LPP: variants seen among roughly 807,000 people sequenced by gnomAD.
The protein encoded by LPP is lipoma-preferred partner.
A neutral mutation model predicts 60.4 loss-of-function variants in LPP; 38 were observed. The ratio of observed to expected loss-of-function variants is 0.63; its 90% CI spans 0.49 to 0.83. The LOEUF (loss-of-function observed/expected upper bound fraction) is 0.83, where lower values mean the gene tolerates loss of function less well. Among genes scored for constraint, LPP ranks in the 40% least tolerant of loss-of-function variants. The probability of loss-of-function intolerance (pLI) is 0.00; values close to 1 mark genes in which losing one functional copy is unlikely to be tolerated. For synonymous variants in LPP, 328 were observed against 290.8 expected (o/e 1.13, Z -1.30); for missense variants, 902 against 783.6 (o/e 1.15, Z -1.80).
intron 8 of LPP, among the ~76,000 whole-genome samples, chr3:188,748,320 T>G (rs565088674): frequency 6.6e-6 from 1 of 152,084 alleles, no homozygotes; most frequent in South Asian, 2.1e-4. Context: ...CAGTAATACT[T>G]TGAGGTACCT....
At chr3:188,432,173 C>T (rs1425031646) in intron 4 of LPP, among the ~76,000 whole-genome samples, 1 of 151,890 alleles carries the variant, frequency 6.6e-6, no homozygotes, top group Non-Finnish European at 1.5e-5. Context: ...AGTAAGTTGC[C>T]CAAGGCATCA....
intron 4 of LPP, 59 bp from the exon 5 acceptor site, chr3:188,484,533 C>T (rs1189101827): frequency 1.7e-6 from 2 of 1,203,022 alleles, no homozygotes; most frequent in South Asian, 1.3e-5. Context: ...GCAAATATAT[C>T]ACGAGTACTA....
chr3:188,801,728 TCTTCTTAACTGCTCAGAG>T (rs1747349642), intron 9 of LPP, among the ~76,000 whole-genome samples: 1 of 152,220 alleles, frequency 6.6e-6, no homozygotes, highest in Admixed American at 6.5e-5. Context: ...CTTGGGTAGA[TCTTCTTAACTGCTCAGAG>T]CTTCAGTTCT....
At chr3:188,642,164 G>T (rs965632821) in intron 7 of LPP, among the ~76,000 whole-genome samples, 21 of 152,034 alleles carry the variant, frequency 1.4e-4, no homozygotes, top group African/African-American at 4.8e-4. Context: ...AAACCCTGAG[G>T]TTTATTTCAG....
chr3:188,543,757 C>T (rs951851201), intron 6 of LPP, among the ~76,000 whole-genome samples: 3 of 152,114 alleles, frequency 2.0e-5, no homozygotes, highest in African/African-American at 7.2e-5. Flanking sequence ...TCACACTTAC[C>T]ATAGTCTGTT....
rs1488111718 is a variant in LPP at position 188,660,056 on chromosome 3, C to T, written c.1114-48211C>T. ...GAATGGAATGGCACAGAGCACAGCT[C>T]ACATATTTGTTTTTTAGTTTTAAAT... On this transcript the variant is annotated intron_variant, in intron 7 of 11. Transcript: ENST00000617246. Among the ~76,000 whole-genome samples the T allele has an allele frequency of 2.6e-5, 4 of 152,208 alleles. No individual in the cohort carries two copies. The South Asian group carries it at 8.3e-4, about 32-fold the overall frequency.
intron 8 of LPP, among the ~76,000 whole-genome samples, chr3:188,717,167 G>A (rs1196493064): frequency 6.6e-6 from 1 of 152,274 alleles, no homozygotes; most frequent in African/African-American, 2.4e-5. Context: ...TGGGGCACAG[G>A]CCTACAGACT....
intron 5 of LPP, among the ~76,000 whole-genome samples, chr3:188,502,955 A>G (rs1812338636): frequency 6.6e-6 from 1 of 152,144 alleles, no homozygotes; most frequent in African/African-American, 2.4e-5. Flanking sequence ...ACACCATCAT[A>G]TGGTAAAAAA....
intron 2 of LPP, among the ~76,000 whole-genome samples, chr3:188,277,392 C>T (rs1740356253): frequency 6.6e-6 from 1 of 152,178 alleles, no homozygotes; most frequent in Non-Finnish European, 1.5e-5. Flanking sequence ...GAACATCTCT[C>T]AGGAAATATT....
At chr3:188,744,684 C>T (rs1431934100) in intron 8 of LPP, among the ~76,000 whole-genome samples, 2 of 152,080 alleles carry the variant, frequency 1.3e-5, no homozygotes, top group Non-Finnish European at 2.9e-5. Context: ...ATTATAATGG[C>T]CAAACAACTG....
At chr3:188,860,307 G>T (rs1233111709) in intron 9 of LPP, among the ~76,000 whole-genome samples, 1 of 152,128 alleles carries the variant, frequency 6.6e-6, no homozygotes, top group Non-Finnish European at 1.5e-5. Flanking sequence ...TAATGGCACT[G>T]GCATTTCAAG....
At chr3:188,544,998 G>T (rs1334662326) in intron 6 of LPP, among the ~76,000 whole-genome samples, 1 of 56,418 alleles carries the variant, frequency 1.8e-5, no homozygotes, top group Non-Finnish European at 3.3e-5. Flanking sequence ...GTAAACTATC[G>T]CAAGAACAAA....
At chr3:188,729,192 A>G (rs949873394) in intron 8 of LPP, among the ~76,000 whole-genome samples, 2 of 152,222 alleles carry the variant, frequency 1.3e-5, no homozygotes, top group Non-Finnish European at 2.9e-5. Context: ...AAAACATGGT[A>G]TTCTGGGAAC....
intron 2 of LPP, among the ~76,000 whole-genome samples, chr3:188,302,068 G>A (rs997633962): frequency 3.3e-5 from 5 of 152,070 alleles, no homozygotes; most frequent in African/African-American, 1.2e-4. Context: ...GGTTTGGGGA[G>A]CTGCTTGGAA....
chr3:188,233,275 T>C (rs917730624), intron 2 of LPP, among the ~76,000 whole-genome samples: 1 of 152,196 alleles, frequency 6.6e-6, no homozygotes, highest in Non-Finnish European at 1.5e-5. Context: ...GGAAGGCTTA[T>C]TGGGCATCAC....
intron 7 of LPP, among the ~76,000 whole-genome samples, chr3:188,620,975 C>T (rs9877898): frequency 0.43 from 65,419 of 151,934 alleles, 14,675 homozygotes; most frequent in East Asian, 0.77. Context: ...TGAAATAACA[C>T]CTACTGAATT....
At chr3:188,605,865 T>C (rs988871384) in intron 6 of LPP, among the ~76,000 whole-genome samples, 1 of 152,198 alleles carries the variant, frequency 6.6e-6, no homozygotes, top group African/African-American at 2.4e-5. Context: ...GTTAACATTT[T>C]ACTTCCAATG....
chr3:188,674,203 A>C (rs1432449955), intron 7 of LPP, among the ~76,000 whole-genome samples: 2 of 152,180 alleles, frequency 1.3e-5, no homozygotes, highest in Non-Finnish European at 2.9e-5. Flanking sequence ...CTAGGGTTGC[A>C]ACAATTTAAA....
intron 1 of LPP, among the ~76,000 whole-genome samples, chr3:188,207,355 C>A (rs1733572647): frequency 6.6e-6 from 1 of 151,762 alleles, no homozygotes. Context: ...CCTCAGCCCC[C>A]TGAATAGCTG....
Sources: allele counts gnomAD v4.1 joint callset (sites outside exome capture counted in the v4.1 genomes callset), GRCh38; gene constraint gnomAD v4.1.1; transcripts MANE v1.5; gene names NCBI Gene and HGNC (gene_info 2026-07-23, HGNC 2026-07-21).